Variants in CD33 observed in about 807,000 individuals in gnomAD.
CD33 encodes the protein myeloid cell surface antigen CD33.
Under a neutral mutation model 31.4 loss-of-function variants are expected in CD33, and 25 were observed. That is an observed-to-expected ratio of 0.80 (90% confidence interval 0.58 to 1.11). The LOEUF is 1.11. Ranked by LOEUF, CD33 falls within the 50% of genes most tolerant of loss-of-function variation. The pLI is 0.00. For synonymous variants in CD33, 176 were observed against 180.6 expected, an observed-to-expected ratio of 0.97 and a Z score of 0.20; for missense variants, 407 against 448.1, an observed-to-expected ratio of 0.91 and a Z score of 0.83.
intron 4 of CD33, among the ~76,000 whole-genome samples, chr19:51,231,722 C>T (rs1433528414): frequency 6.6e-6 from 1 of 151,168 alleles, no homozygotes; most frequent in Non-Finnish European, 1.5e-5. Flanking sequence ...TGTAAGACTC[C>T]CTTGAGCATT....
At chr19:51,231,062 G>A (rs531468706) in intron 4 of CD33, among the ~76,000 whole-genome samples, 9 of 152,272 alleles carry the variant, frequency 5.9e-5, no homozygotes, top group African/African-American at 1.9e-4. Context: ...TGCTCTCCCA[G>A]GATCATAAAT....
chr19:51,211,891 C>T, the CD33 span: 112 of 1,437,836 alleles, frequency 7.8e-5, 1 homozygote, highest in South Asian at 5.6e-4. Flanking sequence ...GAGCAGGGGA[C>T]GCCCCCCATC....
chr19:51,216,595 C>G, the CD33 span, among the ~76,000 whole-genome samples: 1 of 151,384 alleles, frequency 6.6e-6, no homozygotes, highest in Non-Finnish European at 1.5e-5. Context: ...GTAGTCCCAG[C>G]TACTCGGGAA....
chr19:51,239,263 G>A (rs896887179), intron 6 of CD33: 3 of 326,006 alleles, frequency 9.2e-6, no homozygotes, highest in Admixed American at 4.9e-5. Context: ...TGCCAAAGAT[G>A]ATGTCAGTGT....
chr19:51,215,883 G>A, the CD33 span, among the ~76,000 whole-genome samples: 4 of 152,034 alleles, frequency 2.6e-5, no homozygotes, highest in African/African-American at 7.2e-5. Flanking sequence ...CTCACCTTTT[G>A]CCTCCCTGTC....
intron 4 of CD33, among the ~76,000 whole-genome samples, chr19:51,232,868 C>T (rs1231732402): frequency 1.3e-5 from 2 of 152,204 alleles, no homozygotes. Flanking sequence ...GAGGTGCCAA[C>T]ATGGCTGTTT....
upstream of CD33, among the ~76,000 whole-genome samples, chr19:51,224,759 G>A (rs994017884): frequency 6.6e-5 from 10 of 152,114 alleles, no homozygotes; most frequent in Non-Finnish European, 2.9e-5. Flanking sequence ...ATCAGCCCTG[G>A]TGTAAACAGT....
the CD33 span, among the ~76,000 whole-genome samples, chr19:51,217,148 C>T: frequency 5.3e-5 from 8 of 152,224 alleles, no homozygotes; most frequent in African/African-American, 9.6e-5. Flanking sequence ...CAGGCCTGAG[C>T]GGGTCAAGGC....
the CD33 span, among the ~76,000 whole-genome samples, chr19:51,214,955 T>C: frequency 6.6e-6 from 1 of 152,220 alleles, no homozygotes; most frequent in Non-Finnish European, 1.5e-5. Flanking sequence ...CTGGAGAACC[T>C]TCCTTTTCTT....
rs1309910951 is a variant in CD33 at position 51,235,688 on chromosome 19, G to A, written c.924+12G>A. The A allele has an allele frequency of 5.0e-6, 8 of 1,603,918 alleles. No individual in the cohort carries two copies. Among genetic ancestry groups the A allele is most frequent in the Non-Finnish European group, 6.8e-6 (8 of 1,174,034 alleles). On this transcript the variant is annotated intron_variant, in intron 6 of 6. Coordinates refer to ENST00000262262, the MANE Select transcript of CD33 (RefSeq NM_001772.4). Reference sequence around the variant, plus strand: ...GGTCAGCCTCCCCGGTGAGTGATGGGGCATCCTGGCATCCAGTCTGTCCTG... The same window carrying A: ...GGTCAGCCTCCCCGGTGAGTGATGGAGCATCCTGGCATCCAGTCTGTCCTG...
chr19:51,234,766 G>A (rs558876208), intron 4 of CD33, among the ~76,000 whole-genome samples: 1 of 152,288 alleles, frequency 6.6e-6, no homozygotes, highest in South Asian at 2.1e-4. Context: ...TTGACCCTAA[G>A]TGATGGGGCC....
upstream of CD33, among the ~76,000 whole-genome samples, chr19:51,223,134 C>T (rs1438277518): frequency 6.6e-6 from 1 of 151,962 alleles, no homozygotes; most frequent in Non-Finnish European, 1.5e-5. Flanking sequence ...GTGGGAGAGT[C>T]ACTTGAGTCT....
the CD33 span, chr19:51,211,640 G>A: frequency 1.5e-6 from 2 of 1,307,546 alleles, no homozygotes; most frequent in Non-Finnish European, 1.1e-6. Flanking sequence ...AGGGACCTCA[G>A]GACAGGGCTT....
rs1416016559 is a variant in CD33 at position 51,225,545 on chromosome 19, G to C, written c.365G>C (p.Arg122Thr). The C allele has an allele frequency of 1.3e-6, 2 of 1,591,830 alleles. No homozygotes were observed. Among genetic ancestry groups the C allele is most frequent in the East Asian group, 2.2e-5 (1 of 44,728 alleles). The change falls in exon 2 of 7, where the codon AGA becomes ACA. Residue 122 changes from arginine to threonine, a missense_variant. Transcript: ENST00000262262. ...GGTTCATACTTCTTTCGGATGGAGA[G>C]AGGAAGTACCAAATACAGTTACAAA... ...DNGSYFFRMERGSTKYSYKSP... is the reference protein window; with the variant it reads ...DNGSYFFRMETGSTKYSYKSP...
intron 4 of CD33, among the ~76,000 whole-genome samples, chr19:51,227,686 G>A (rs1431895190): frequency 6.6e-6 from 1 of 152,034 alleles, no homozygotes; most frequent in East Asian, 1.9e-4. Context: ...TCACTCTGTT[G>A]GTTGTTTCCT....
chr19:51,225,164 C>A lies in CD33; in HGVS notation c.37+9C>A. The stretch of plus-strand genomic sequence containing the variant: ...GCCCCTGCTGTGGGCAGGTGAGTGG[C>A]TGTGGGGAGAGGGGTTGTCGGGCTG... On this transcript the variant is annotated intron_variant, in intron 1 of 6. Coordinates refer to ENST00000262262, the MANE Select transcript of CD33 (RefSeq NM_001772.4). 1 of 1,613,938 alleles carries A rather than the reference C, an allele frequency of 6.2e-7. No homozygotes were observed. The highest frequency in any genetic ancestry group is 8.5e-7 in the Non-Finnish European group (1 of 1,179,922).
At chr19:51,236,001 A>G in intron 6 of CD33, 1 of 597,172 alleles carries the variant, frequency 1.7e-6, no homozygotes, top group Non-Finnish European at 3.0e-6. Flanking sequence ...TACTAAAAAT[A>G]CAAAAAATTA....
intron 6 of CD33, chr19:51,237,019 G>A (rs1416303107): frequency 1.3e-5 from 2 of 152,314 alleles, no homozygotes; most frequent in Non-Finnish European, 2.9e-5. Context: ...CCCCTTCAGT[G>A]CTATGCTCCC....
At chr19:51,211,883 G>A in the CD33 span, 1 of 1,432,418 alleles carries the variant, frequency 7.0e-7, no homozygotes, top group South Asian at 1.1e-5. Flanking sequence ...CGGCCTGTGA[G>A]CAGGGGACGC....
Sources: gnomAD v4.1 joint callset for allele counts (sites outside exome capture counted in the v4.1 genomes callset) on GRCh38, gnomAD v4.1.1 for gene constraint, MANE v1.5 for transcripts, NCBI Gene and HGNC (gene_info 2026-07-23, HGNC 2026-07-21) for gene names.